MYO16: variants seen among roughly 807,000 people sequenced by gnomAD.
The protein encoded by MYO16 is unconventional myosin-XVI.
In MYO16, 94 loss-of-function variants were observed where a neutral mutation model predicts 205.3. The ratio of observed to expected loss-of-function variants is 0.46; its 90% confidence interval spans 0.39 to 0.54. MYO16 has a LOEUF of 0.54. MYO16 is among the 20% of genes least tolerant of loss of function. The pLI, the probability that MYO16 is intolerant of heterozygous loss-of-function variation, is 0.00. For synonymous variants in MYO16, 988 were observed against 954.0 expected, an observed-to-expected ratio of 1.04 and a Z score of -0.66; for missense variants, 2,315 against 2,387.5, an observed-to-expected ratio of 0.97 and a Z score of 0.63.
intron 4 of MYO16, among the ~76,000 whole-genome samples, chr13:108,781,002 T>A (rs1316294894): frequency 6.6e-6 from 1 of 152,352 alleles, no homozygotes; most frequent in South Asian, 2.1e-4. Flanking sequence ...TGATGACTTC[T>A]TTAAGCACAG....
chr13:109,007,575 TGTGTGTG>T (rs1365537196), intron 21 of MYO16, among the ~76,000 whole-genome samples: 1 of 149,356 alleles, frequency 6.7e-6, no homozygotes, highest in Non-Finnish European at 1.5e-5. Flanking sequence ...TGTGTGTGTG[TGTGTGTG>T]TGTGTTGATA....
chr13:108,546,801 A>C, the MYO16 span, among the ~76,000 whole-genome samples: 1 of 152,222 alleles, frequency 6.6e-6, no homozygotes, highest in Non-Finnish European at 1.5e-5. Context: ...TTGTCAGTGT[A>C]GTCAAAATAA....
the MYO16 span, among the ~76,000 whole-genome samples, chr13:108,556,704 C>T: frequency 6.6e-6 from 1 of 152,128 alleles, no homozygotes; most frequent in Non-Finnish European, 1.5e-5. Flanking sequence ...AAAATCATTG[C>T]CCATATCAAT....
chr13:108,701,924 A>G (rs1883324320), intron 2 of MYO16, among the ~76,000 whole-genome samples: 1 of 152,214 alleles, frequency 6.6e-6, no homozygotes, highest in Non-Finnish European at 1.5e-5. Context: ...AAAATTAAAT[A>G]TACATTAGCA....
At chr13:108,890,398 T>C (rs559749677) in intron 14 of MYO16, among the ~76,000 whole-genome samples, 1 of 152,294 alleles carries the variant, frequency 6.6e-6, no homozygotes, top group Admixed American at 6.5e-5. Context: ...TCTTTCTTTT[T>C]CCATCCTTGG....
chr13:108,672,477 T>C (rs1480385120), intron 2 of MYO16, among the ~76,000 whole-genome samples: 1 of 152,144 alleles, frequency 6.6e-6, no homozygotes, highest in Non-Finnish European at 1.5e-5. Context: ...ATGTCTGTGG[T>C]TTTTTTCATG....
At chr13:109,128,169 G>A (rs575118083) in intron 31 of MYO16, among the ~76,000 whole-genome samples, 38 of 152,236 alleles carry the variant, frequency 2.5e-4, no homozygotes, top group Middle Eastern at 6.8e-3. Context: ...GCTTCTTAGC[G>A]GAACACTTAG....
At chr13:109,008,803 T>G (rs1440447160) in intron 21 of MYO16, 94 bp from the exon 22 acceptor site, 4 of 633,748 alleles carry the variant, frequency 6.3e-6, no homozygotes, top group Non-Finnish European at 1.1e-5. Context: ...TATGCACTAC[T>G]GTACTATCTT....
In MYO16 at chr13:109,068,834, G is replaced by A. The variant is rs551811123; in HGVS notation, c.3335+13239G>A. 7.9e-5 allele frequency among the ~76,000 whole-genome samples: 12 copies of A among 152,156 alleles called. No homozygotes were observed. In the East Asian group the frequency reaches 1.5e-3, roughly 20 times the overall value. ...TCAAACTCCTGACCTCAGGTGATCC[G>A]CCCACCTTGGCCTCCCAAAGTGCTG... On this transcript the variant is annotated intron_variant, in intron 27 of 34. Coordinates refer to ENST00000457511, the MANE Select transcript of MYO16 (RefSeq NM_001198950.3).
At position 108,734,511 on chromosome 13, in the gene MYO16, A is replaced by G. The variant is rs116952014; in HGVS notation, c.507+6928A>G. Among the ~76,000 whole-genome samples the G allele has an allele frequency of 8.0e-3, 1,219 of 152,334 alleles. 12 individuals are homozygous for G. The highest frequency in any genetic ancestry group is 0.037 in the Middle Eastern group (11 of 294). On this transcript the variant is annotated intron_variant, in intron 4 of 34. Coordinates refer to ENST00000457511, the MANE Select transcript of MYO16 (RefSeq NM_001198950.3). ...CATGGGCTCCCCACCTATGTTGGAC[A>G]GAGTTTTTACTAGTAGGCAACAAAA...
At chr13:109,116,216 G>C (rs573420791) in intron 28 of MYO16, among the ~76,000 whole-genome samples, 9 of 152,282 alleles carry the variant, frequency 5.9e-5, no homozygotes, top group African/African-American at 2.2e-4. Context: ...GCCATGTCTT[G>C]ATAGGATGCT....
At chr13:108,638,424 A>G (rs528669121) in intron 1 of MYO16, among the ~76,000 whole-genome samples, 2 of 152,252 alleles carry the variant, frequency 1.3e-5, no homozygotes, top group Admixed American at 6.5e-5. Context: ...TCATTGCTTC[A>G]TGCTCCTCAA....
intron 3 of MYO16, among the ~76,000 whole-genome samples, chr13:108,715,230 T>C (rs899790624): frequency 2.0e-5 from 3 of 152,174 alleles, no homozygotes; most frequent in Non-Finnish European, 4.4e-5. Flanking sequence ...TTGCCGGGTT[T>C]CCACCCAGCA....
intron 20 of MYO16, among the ~76,000 whole-genome samples, chr13:108,978,441 T>C (rs966092971): frequency 6.6e-6 from 1 of 152,094 alleles, no homozygotes; most frequent in Non-Finnish European, 1.5e-5. Context: ...CATGGATGGA[T>C]ACAAATATTT....
chr13:109,154,313 G>A (rs996035013), intron 32 of MYO16, among the ~76,000 whole-genome samples: 2 of 152,082 alleles, frequency 1.3e-5, no homozygotes, highest in East Asian at 1.9e-4. Context: ...CCATCCCACC[G>A]CCTTGGGTGG....
In MYO16 at chr13:109,200,022, G is replaced by A. The variant is rs111289993; in HGVS notation, c.5416-6587G>A. On this transcript the variant is annotated intron_variant, in intron 34 of 34. Transcript: ENST00000457511. ...TTTTAAAGCTTTTTCTCTATGAGAA[G>A]AGTAATTCTTGTGTTTCAGAATCTA... Among the ~76,000 whole-genome samples the A allele has an allele frequency of 5.4e-3, 824 of 152,306 alleles. 9 individuals carry two copies. The highest frequency in any genetic ancestry group is 0.018 in the African/African-American group (763 of 41,570).
chr13:109,196,273 T>G (rs1880148216), intron 34 of MYO16, among the ~76,000 whole-genome samples: 1 of 152,184 alleles, frequency 6.6e-6, no homozygotes, highest in African/African-American at 2.4e-5. Context: ...CAGAATAAAA[T>G]CATTTTTTAA....
chr13:108,773,104 G>GC (rs1253888819), intron 4 of MYO16, among the ~76,000 whole-genome samples: 1 of 152,136 alleles, frequency 6.6e-6, no homozygotes, highest in African/African-American at 2.4e-5. Context: ...AGGCGAGGGA[G>GC]CCGTTTAGGG....
chr13:109,000,074 C>T (rs1441866703), intron 21 of MYO16, among the ~76,000 whole-genome samples: 2 of 152,074 alleles, frequency 1.3e-5, no homozygotes, highest in East Asian at 3.8e-4. Context: ...TGTTACAAAG[C>T]TTAGTAAGGA....
Sources: gnomAD v4.1 joint callset for allele counts (sites outside exome capture counted in the v4.1 genomes callset) on GRCh38, gnomAD v4.1.1 for gene constraint, MANE v1.5 for transcripts, NCBI Gene and HGNC (gene_info 2026-07-23, HGNC 2026-07-21) for gene names.